The following CFAP299 variants were observed in gnomAD, a reference collection of about 807,000 sequenced individuals.
CFAP299 encodes cilia and flagella associated protein 299, also known as cilia- and flagella-associated protein 299.
A neutral mutation model predicts 27.0 loss-of-function variants in CFAP299; 21 were observed. That is an observed-to-expected ratio of 0.78 (90% confidence interval 0.55 to 1.12). The LOEUF is 1.12. Ranked by LOEUF, CFAP299 falls within the 50% of genes most tolerant of loss-of-function variation. CFAP299 has a pLI of 0.00. For synonymous variants in CFAP299, 104 were observed against 98.1 expected (o/e 1.06, Z -0.36); for missense variants, 310 against 276.6 (o/e 1.12, Z -0.86).
chr4:80,380,832 C>G (rs1724664343), intron 2 of CFAP299, among the ~76,000 whole-genome samples: 1 of 152,126 alleles, frequency 6.6e-6, no homozygotes, highest in African/African-American at 2.4e-5. Flanking sequence ...AGATTTTGTT[C>G]CACTTTACTT....
Position 80,861,490 on chromosome 4 carries a change from C to G in CFAP299, c.334-8503C>G, listed in dbSNP as rs556922763. Among the ~76,000 whole-genome samples, 7 of 152,278 alleles carry G rather than the reference C, an allele frequency of 4.6e-5. No individual in the cohort carries two copies. In the East Asian group the frequency reaches 1.4e-3, roughly 29 times the overall value. On this transcript the variant is annotated intron_variant, in intron 3 of 5. Coordinates refer to ENST00000358105, the MANE Select transcript of CFAP299 (RefSeq NM_152770.3). ...CCTCAGATGGAAATGCAGAAATCAC[C>G]CGTCTTCTGCGTCACTCATGCTGGG...
At chr4:80,921,105 A>G (rs1405939791) in intron 4 of CFAP299, among the ~76,000 whole-genome samples, 1 of 151,998 alleles carries the variant, frequency 6.6e-6, no homozygotes, top group African/African-American at 2.4e-5. Flanking sequence ...TTAATCCCCA[A>G]TAGGTTTGGG....
intron 3 of CFAP299, among the ~76,000 whole-genome samples, chr4:80,718,627 A>G (rs1383743076): frequency 6.6e-6 from 1 of 152,120 alleles, no homozygotes; most frequent in Non-Finnish European, 1.5e-5. Flanking sequence ...GTCACAAATA[A>G]AGCATCAGTA....
At chr4:80,474,338 G>A (rs1290770661) in intron 2 of CFAP299, among the ~76,000 whole-genome samples, 3 of 151,984 alleles carry the variant, frequency 2.0e-5, no homozygotes, top group Non-Finnish European at 4.4e-5. Context: ...TTTTCTGGGT[G>A]GGACAATATA....
chr4:80,597,538 C>CTCTG, intron 3 of CFAP299, among the ~76,000 whole-genome samples: 1 of 152,068 alleles, frequency 6.6e-6, no homozygotes, highest in Non-Finnish European at 1.5e-5. Context: ...TAACGTGGTC[C>CTCTG]AATTTATTAA....
At chr4:80,453,804 A>G (rs867400672) in intron 2 of CFAP299, among the ~76,000 whole-genome samples, 6 of 149,692 alleles carry the variant, frequency 4.0e-5, no homozygotes, top group Middle Eastern at 7.1e-3. Context: ...TCTCACCACT[A>G]CACTCCAGCC....
At chr4:80,519,487 A>G (rs1329843949) in intron 2 of CFAP299, among the ~76,000 whole-genome samples, 1 of 152,208 alleles carries the variant, frequency 6.6e-6, no homozygotes, top group African/African-American at 2.4e-5. Context: ...GATTAGAGGC[A>G]TGAGCTACCA....
chr4:80,746,611 A>G (rs1292716781), intron 3 of CFAP299, among the ~76,000 whole-genome samples: 1 of 151,914 alleles, frequency 6.6e-6, no homozygotes, highest in African/African-American at 2.4e-5. Context: ...AACTTTTTTC[A>G]GGAGTAGAGA....
chr4:80,903,417 A>G (rs889225488), intron 4 of CFAP299, among the ~76,000 whole-genome samples: 2 of 152,106 alleles, frequency 1.3e-5, no homozygotes, highest in Non-Finnish European at 2.9e-5. Context: ...AAATCTGAAA[A>G]AAATTTTAAT....
intron 2 of CFAP299, among the ~76,000 whole-genome samples, chr4:80,520,325 A>G (rs150840843): frequency 6.6e-6 from 1 of 152,168 alleles, no homozygotes; most frequent in East Asian, 1.9e-4. Context: ...GGTGGGGTAT[A>G]CCCATTAGCA....
At chr4:80,935,147 G>A (rs1025437736) in intron 4 of CFAP299, among the ~76,000 whole-genome samples, 12 of 151,904 alleles carry the variant, frequency 7.9e-5, no homozygotes, top group Admixed American at 6.6e-4. Flanking sequence ...TTAGGAACGT[G>A]GTGTTTGATT....
chr4:80,431,878 A>T (rs1482717922), intron 2 of CFAP299, among the ~76,000 whole-genome samples: 2 of 152,214 alleles, frequency 1.3e-5, no homozygotes, highest in African/African-American at 2.4e-5. Context: ...CAGCATGCCA[A>T]CATGGTCCTG....
At chr4:80,845,425 A>G (rs72865104) in intron 3 of CFAP299, among the ~76,000 whole-genome samples, 1,579 of 152,260 alleles carry the variant, frequency 0.01, 25 homozygotes, top group African/African-American at 0.035. Flanking sequence ...CACATGGCCT[A>G]CAGAAATTGG....
intron 3 of CFAP299, among the ~76,000 whole-genome samples, chr4:80,676,081 ACCTC>A (rs1379299325): frequency 6.6e-6 from 1 of 152,102 alleles, no homozygotes; most frequent in Admixed American, 6.5e-5. Context: ...GATGAACCAT[ACCTC>A]AGTTGGAAAT....
Position 80,651,783 on chromosome 4 carries a change from C to A in CFAP299, c.333+68600C>A, listed in dbSNP as rs532031626. Among the ~76,000 whole-genome samples the A allele has an allele frequency of 4.6e-4, 68 of 149,274 alleles. No individual in the cohort carries two copies. The South Asian group carries it at 0.014, about 31-fold the overall frequency. On this transcript the variant is annotated intron_variant, in intron 3 of 5. Coordinates refer to ENST00000358105, the MANE Select transcript of CFAP299 (RefSeq NM_152770.3). ...CTATAATAAATAGGCACAGAAGAGA[C>A]AAAATCACACAGGTAAACTTTGAAT...
intron 3 of CFAP299, among the ~76,000 whole-genome samples, chr4:80,757,253 G>A (rs1441919420): frequency 2.6e-5 from 4 of 151,710 alleles, no homozygotes; most frequent in Non-Finnish European, 5.9e-5. Flanking sequence ...AATTGTAATT[G>A]GAAATAAAAT....
intron 4 of CFAP299, among the ~76,000 whole-genome samples, chr4:80,941,191 A>T (rs1026105938): frequency 6.6e-6 from 1 of 152,204 alleles, no homozygotes; most frequent in Non-Finnish European, 1.5e-5. Context: ...GACAAAGAAA[A>T]GTCTGTACAT....
chr4:80,364,089 A>AACACACACACACCCACACACACACACAC (rs1723691911), intron 2 of CFAP299, among the ~76,000 whole-genome samples: 1 of 110,844 alleles, frequency 9.0e-6, no homozygotes, highest in South Asian at 4.0e-4. Flanking sequence ...TCCGTCTCAA[A>AACACACACACACCCACACACACACACAC]ACACACACAC....
At chr4:80,335,905 C>T (rs890400536) in intron 1 of CFAP299, 26 bp downstream of exon 1, 1 of 1,411,084 alleles carries the variant, frequency 7.1e-7, no homozygotes, top group Non-Finnish European at 1.0e-6. Context: ...GGCAGAGTAG[C>T]CGCCGCCGCG....
Sources: gnomAD v4.1 joint callset for allele counts (sites outside exome capture counted in the v4.1 genomes callset) on GRCh38, gnomAD v4.1.1 for gene constraint, MANE v1.5 for transcripts, NCBI Gene and HGNC (gene_info 2026-07-23, HGNC 2026-07-21) for gene names.